Variants in DFFB observed in about 807,000 individuals in gnomAD.
DFFB encodes DNA fragmentation factor subunit beta.
DFFB carries 29 observed loss-of-function variants against 32.7 expected under a neutral mutation model. The ratio of observed to expected loss-of-function variants is 0.89; its 90% confidence interval spans 0.66 to 1.21. The LOEUF is 1.21. Among genes scored for constraint, DFFB ranks in the 50% most tolerant of loss-of-function variants. The pLI is 0.00. For missense variants in DFFB, 398 were observed against 440.6 expected, an observed-to-expected ratio of 0.90 and a Z score of 0.87; for synonymous variants, 170 against 177.1, an observed-to-expected ratio of 0.96 and a Z score of 0.32.
rs1570955842 is a variant in DFFB at position 3,884,323 on chromosome 1, T to C, written c.*582T>C. On this transcript the variant is annotated 3_prime_UTR_variant, in exon 7 of 7. Coordinates refer to ENST00000378209, the MANE Select transcript of DFFB (RefSeq NM_004402.4). Reference sequence around the variant, plus strand: ...TGGGCTGAGGAATTCTTCTGTTCTCTGGTTTCACCAGCGTTGGGTTTGCTC... The same window carrying C: ...TGGGCTGAGGAATTCTTCTGTTCTCCGGTTTCACCAGCGTTGGGTTTGCTC... 1 of 154,918 alleles carries C rather than the reference T, an allele frequency of 6.5e-6. No homozygotes were observed. The allele number at this position is 154,918 out of a possible 1,614,324, so 9.6% of individuals were successfully genotyped here. A position where few individuals can be genotyped will look rare whatever the true frequency, so the allele number is the denominator to read the frequency against.
At chr1:3,857,825 G>A (rs1395838691) in intron 1 of DFFB, 108 bp downstream of exon 1, 1 of 832,810 alleles carries the variant, frequency 1.2e-6, no homozygotes, top group Non-Finnish European at 1.7e-6. Context: ...CGCCCGGGGC[G>A]GGTAGTTTTC....
rs757718602 is a variant in DFFB at position 3,865,772 on chromosome 1, C to T, written c.242-40C>T. ...TTGTGACCGGGGCAGGATGTGTCTT[C>T]TGCTGGACCGGCACCTTTTGTTTGT... On this transcript the variant is annotated intron_variant, in intron 2 of 6. Transcript: ENST00000378209. The surrounding 1 kb of genome is among the most constrained non-coding windows in gnomAD (Gnocchi z 4.7). 4.3e-6 allele frequency: 7 copies of T among 1,613,996 alleles called. No homozygotes were observed. Among genetic ancestry groups the T allele is most frequent in the Admixed American group, 1.7e-5 (1 of 59,996 alleles).
In DFFB at chr1:3,872,456, G is replaced by C; in HGVS notation, c.682-16G>C. The C allele has an allele frequency of 6.3e-7, 1 of 1,591,212 alleles. No individual in the cohort carries two copies. Among genetic ancestry groups the C allele is most frequent in the Non-Finnish European group, 8.6e-7 (1 of 1,161,124 alleles). ...ACTCACTTTCTGGCCTTCCCTCATT[G>C]TCTTTTGGCCCCCAGGGTCCCTTTG... On this transcript the variant is annotated splice_polypyrimidine_tract_variant and intron_variant, in intron 5 of 6. Coordinates refer to ENST00000378209, the MANE Select transcript of DFFB (RefSeq NM_004402.4).
chr1:3,878,727 A>G (rs12027018), intron 6 of DFFB, among the ~76,000 whole-genome samples: 21,854 of 152,138 alleles, frequency 0.14, 1,664 homozygotes, highest in South Asian at 0.17. Context: ...CCTCTGCGGT[A>G]TTCTTTAGTG....
At chr1:3,868,388 G>A (rs1176755295) in intron 4 of DFFB, among the ~76,000 whole-genome samples, 1 of 152,066 alleles carries the variant, frequency 6.6e-6, no homozygotes, top group Non-Finnish European at 1.5e-5. Flanking sequence ...GGCAGACACA[G>A]AGCCTGAGCT....
chr1:3,871,468 G>A (rs1238561089), intron 5 of DFFB, among the ~76,000 whole-genome samples: 1 of 152,116 alleles, frequency 6.6e-6, no homozygotes, highest in African/African-American at 2.4e-5. Flanking sequence ...TGTGTTTTTA[G>A]TAGAGATGGG....
chr1:3,858,976 C>T lies in DFFB; in HGVS notation c.241+132C>T, dbSNP rs1200256711. 2.2e-6 allele frequency: 3 copies of T among 1,358,342 alleles called. No individual in the cohort carries two copies. In the East Asian group the frequency reaches 7.5e-5, roughly 34 times the overall value. 84.1% of individuals were successfully genotyped at this position (1,358,342 alleles called of 1,614,324 possible). A position where few individuals can be genotyped will look rare whatever the true frequency, so the allele number is the denominator to read the frequency against. Reference sequence around the variant, plus strand: ...GAACTCTCGGGTCTCAAGGAGGAAGCCCTCTGGAGGCAGAACTGGTCAGCG... The same window carrying T: ...GAACTCTCGGGTCTCAAGGAGGAAGTCCTCTGGAGGCAGAACTGGTCAGCG... On this transcript the variant is annotated intron_variant, in intron 2 of 6. Transcript: ENST00000378209.
intron 1 of DFFB, 30 bp from the exon 2 acceptor site, chr1:3,858,688 C>T (rs770254314): frequency 7.5e-6 from 12 of 1,609,908 alleles, no homozygotes; most frequent in East Asian, 2.2e-5. Context: ...GAGACCCTTC[C>T]TCCTCCTGTT....
At chr1:3,867,305 T>G (rs544423084) in intron 3 of DFFB, among the ~76,000 whole-genome samples, 1 of 152,388 alleles carries the variant, frequency 6.6e-6, no homozygotes, top group Admixed American at 6.5e-5. Context: ...CTCCACTGCG[T>G]GTACATGCCA....
rs200909654 is a variant in DFFB at position 3,861,105 on chromosome 1, GATTGTGCC to G, written c.241+2266_241+2273del. On this transcript the variant is annotated intron_variant, in intron 2 of 6. Transcript: ENST00000378209. ...GCAGGTGGAGGTTGCAGTGAGCTGA[GATTGTGCC>G]ATTGCACTCTAGCCTGGGTGACAGG... 6.4e-4 allele frequency among the ~76,000 whole-genome samples: 92 copies of G among 143,386 alleles called. 1 individual carries two copies. In the East Asian group the frequency reaches 0.015, roughly 23 times the overall value. 94.1% of individuals were successfully genotyped at this position (143,386 alleles called of 152,430 possible).
Position 3,883,768 on chromosome 1 carries a change from G to T in DFFB, c.*27G>T. The T allele has an allele frequency of 6.3e-7, 1 of 1,596,230 alleles. No individual in the cohort carries two copies. Among genetic ancestry groups the T allele is most frequent in the Non-Finnish European group, 8.6e-7 (1 of 1,165,618 alleles). On this transcript the variant is annotated 3_prime_UTR_variant, in exon 7 of 7. Coordinates refer to ENST00000378209, the MANE Select transcript of DFFB (RefSeq NM_004402.4). The stretch of plus-strand genomic sequence containing the variant: ...ACGTACACACCACGTCCTGGTCTTT[G>T]TTTGAGGCCTGACGTGGGCATCATT...
At chr1:3,868,799 G>A (rs140481632) in intron 4 of DFFB, among the ~76,000 whole-genome samples, 56 of 152,216 alleles carry the variant, frequency 3.7e-4, no homozygotes, top group Non-Finnish European at 6.6e-4. Context: ...TCCTGTCCTA[G>A]TGCTGCCCTG....
At chr1:3,868,822 C>T (rs1446098636) in intron 4 of DFFB, among the ~76,000 whole-genome samples, 1 of 152,230 alleles carries the variant, frequency 6.6e-6, no homozygotes, top group African/African-American at 2.4e-5. Flanking sequence ...TGGTCGGCCC[C>T]CACGCCCTCG....
intron 5 of DFFB, among the ~76,000 whole-genome samples, chr1:3,870,911 A>G (rs1210331829): frequency 6.6e-6 from 1 of 152,206 alleles, no homozygotes; most frequent in East Asian, 1.9e-4. Flanking sequence ...GGCTCCCGGC[A>G]CGTGCTCTGC....
chr1:3,865,800 C>T lies in DFFB; in HGVS notation c.242-12C>T, dbSNP rs779628227. The T allele has an allele frequency of 6.2e-7, 1 of 1,614,082 alleles. No individual in the cohort carries two copies. Among genetic ancestry groups the T allele is most frequent in the East Asian group, 2.2e-5 (1 of 44,854 alleles). On this transcript the variant is annotated splice_polypyrimidine_tract_variant and intron_variant, in intron 2 of 6. Coordinates refer to ENST00000378209, the MANE Select transcript of DFFB (RefSeq NM_004402.4). The surrounding 1 kb of genome is among the most constrained non-coding windows in gnomAD (Gnocchi z 4.7). ...CTGGACCGGCACCTTTTGTTTGTCC[C>T]ATTGGTGGCAGATGTGAGCGACATC... is the stretch of plus-strand genomic sequence containing the variant.
chr1:3,869,522 C>A, intron 4 of DFFB, 83 bp from the exon 5 acceptor site: 1 of 1,412,984 alleles, frequency 7.1e-7, no homozygotes, highest in Non-Finnish European at 9.7e-7. Context: ...TCTCAGAGGG[C>A]CATGGAGTGA....
chr1:3,868,112 C>T, intron 4 of DFFB, 59 bp downstream of exon 4: 2 of 1,472,438 alleles, frequency 1.4e-6, no homozygotes, highest in Admixed American at 1.7e-5. Flanking sequence ...GCTCTGTGGG[C>T]TCTGGAAGCC....
At chr1:3,861,738 G>GT (rs891634488) in intron 2 of DFFB, among the ~76,000 whole-genome samples, 23 of 152,206 alleles carry the variant, frequency 1.5e-4, no homozygotes, top group African/African-American at 5.5e-4. Flanking sequence ...ATCTTGACAG[G>GT]TTTTTGCGAG....
chr1:3,869,482 C>T (rs1435543602), intron 4 of DFFB, 123 bp from the exon 5 acceptor site: 7 of 1,046,578 alleles, frequency 6.7e-6, no homozygotes, highest in Non-Finnish European at 9.7e-6. Flanking sequence ...AACTCAGACC[C>T]TCTGACCACA....
Sources: allele counts gnomAD v4.1 joint callset (sites outside exome capture counted in the v4.1 genomes callset), GRCh38; gene constraint gnomAD v4.1.1; non-coding constraint Gnocchi (gnomAD v3.1); transcripts MANE v1.5; gene names NCBI Gene and HGNC (gene_info 2026-07-23, HGNC 2026-07-21).